Variants in EXOC1 observed in about 807,000 individuals in gnomAD.
The protein encoded by EXOC1 is SEC3-like 1.
In EXOC1, 67 loss-of-function variants were observed where a neutral mutation model predicts 107.7. The ratio of observed to expected loss-of-function variants is 0.62; its 90% CI spans 0.51 to 0.76. EXOC1 has a LOEUF of 0.76. Among genes scored for constraint, EXOC1 ranks in the 30% least tolerant of loss-of-function variants. The pLI, the probability that EXOC1 is intolerant of heterozygous loss-of-function variation, is 0.00. For synonymous variants in EXOC1, 348 were observed against 353.5 expected (o/e 0.98, Z 0.17); for missense variants, 833 against 1,055.7 (o/e 0.79, Z 2.92).
chr4:55,889,772 G>C (rs145838844), intron 11 of EXOC1, among the ~76,000 whole-genome samples: 301 of 152,266 alleles, frequency 2.0e-3, no homozygotes, highest in African/African-American at 6.8e-3. Flanking sequence ...TTGATTTATT[G>C]TGGAGGTAAC....
rs764747077 is a variant in EXOC1 at position 55,886,016 on chromosome 4, C to G, written c.1330+2088C>G. On this transcript the variant is annotated intron_variant, in intron 10 of 18. Coordinates refer to ENST00000381295, the MANE Select transcript of EXOC1 (RefSeq NM_001024924.2). ...GTTTGAAAGCAGTCTGCAGTCAGTA[C>G]GAACCATACTTCAAGTACCCATAGC... Among the ~76,000 whole-genome samples the G allele has an allele frequency of 2.0e-5, 3 of 152,156 alleles. No individual in the cohort carries two copies. The South Asian group carries it at 6.2e-4, about 32-fold the overall frequency.
intron 9 of EXOC1, among the ~76,000 whole-genome samples, chr4:55,881,699 G>A (rs1313617735): frequency 1.3e-5 from 2 of 152,134 alleles, no homozygotes; most frequent in African/African-American, 4.8e-5. Flanking sequence ...GCATTCCTTT[G>A]AGTTTCTGAT....
chr4:55,879,179 A>G (rs551497566), intron 9 of EXOC1, among the ~76,000 whole-genome samples: 34 of 152,348 alleles, frequency 2.2e-4, no homozygotes, highest in African/African-American at 7.9e-4. Flanking sequence ...GCACTTAGAG[A>G]TACAGCATTG....
intron 8 of EXOC1, chr4:55,876,923 G>A: frequency 4.1e-6 from 4 of 985,162 alleles, no homozygotes; most frequent in African/African-American, 3.5e-5. Context: ...AATGATGTGG[G>A]TTTTTGTACT....
At chr4:55,881,739 G>A (rs1007543924) in intron 9 of EXOC1, among the ~76,000 whole-genome samples, 4 of 152,188 alleles carry the variant, frequency 2.6e-5, no homozygotes, top group African/African-American at 7.2e-5. Context: ...AATCAGATAC[G>A]CATTTATCTC....
chr4:55,887,563 C>A (rs1455862126), intron 10 of EXOC1, among the ~76,000 whole-genome samples: 1 of 151,892 alleles, frequency 6.6e-6, no homozygotes, highest in African/African-American at 2.4e-5. Flanking sequence ...TTAATAGGCA[C>A]TACTACTAAG....
intron 9 of EXOC1, 121 bp downstream of exon 9, chr4:55,878,187 G>A: frequency 9.1e-7 from 1 of 1,097,596 alleles, no homozygotes; most frequent in South Asian, 1.7e-5. Context: ...AGCAGAAAAT[G>A]AGTCAGTGCT....
At chr4:55,892,966 A>T (rs182294859) in intron 14 of EXOC1, among the ~76,000 whole-genome samples, 1 of 152,266 alleles carries the variant, frequency 6.6e-6, no homozygotes, top group Admixed American at 6.5e-5. Flanking sequence ...GAAGCCTTTG[A>T]ATTGTAGTGT....
At chr4:55,858,669 G>T (rs913354144) in intron 2 of EXOC1, among the ~76,000 whole-genome samples, 5 of 152,130 alleles carry the variant, frequency 3.3e-5, no homozygotes, top group African/African-American at 1.2e-4. Context: ...TCCCTATAAT[G>T]ATGAGATTGA....
chr4:55,871,337 G>T, intron 7 of EXOC1, 104 bp downstream of exon 7: 5 of 1,370,940 alleles, frequency 3.6e-6, no homozygotes, highest in South Asian at 3.0e-5. Flanking sequence ...AGTGGTTTAA[G>T]GGTTACATTA....
At chr4:55,901,124 G>A (rs1284958734) in intron 17 of EXOC1, among the ~76,000 whole-genome samples, 1 of 152,058 alleles carries the variant, frequency 6.6e-6, no homozygotes, top group Admixed American at 6.6e-5. Context: ...ATTTAGCATT[G>A]TTGTTGAAGC....
chr4:55,859,286 A>G (rs1721265587), intron 2 of EXOC1, among the ~76,000 whole-genome samples: 2 of 151,964 alleles, frequency 1.3e-5, no homozygotes, highest in Admixed American at 1.3e-4. Flanking sequence ...CTATTTATCT[A>G]GGTGTTTTTT....
intron 14 of EXOC1, among the ~76,000 whole-genome samples, chr4:55,893,265 A>G (rs1195196479): frequency 6.6e-6 from 1 of 152,020 alleles, no homozygotes; most frequent in Non-Finnish European, 1.5e-5. Context: ...GATTACAGAC[A>G]TGCACCACCA....
intron 10 of EXOC1, among the ~76,000 whole-genome samples, chr4:55,888,652 C>T (rs1724157148): frequency 6.6e-6 from 1 of 151,296 alleles, no homozygotes; most frequent in South Asian, 2.1e-4. Context: ...GATATTTCTA[C>T]CTGAATATTT....
chr4:55,902,701 T>C (rs988557926), intron 18 of EXOC1, among the ~76,000 whole-genome samples, 163 bp downstream of exon 18: 2 of 152,206 alleles, frequency 1.3e-5, no homozygotes, highest in African/African-American at 4.8e-5. Flanking sequence ...ACTGTTTATA[T>C]AAGCATATAT....
chr4:55,865,804 T>G (rs1345390164), intron 4 of EXOC1, among the ~76,000 whole-genome samples: 2 of 152,100 alleles, frequency 1.3e-5, no homozygotes, highest in African/African-American at 4.8e-5. Context: ...TATTACTGTT[T>G]TTGAAAATGA....
intron 8 of EXOC1, chr4:55,872,810 T>C (rs1030134349): frequency 1.0e-6 from 1 of 979,514 alleles, no homozygotes; most frequent in East Asian, 1.1e-4. Flanking sequence ...TCGGTTCCTG[T>C]GAGTACATCA....
At position 55,894,182 on chromosome 4, in the gene EXOC1, G is replaced by A. The variant is rs571232751; in HGVS notation, c.1953+402G>A. Reference sequence around the variant, plus strand: ...TCTACCAAAAATACAAAAATTAGCCGGGCGTGGTAGCACATGCCTATAATT... The same window carrying A: ...TCTACCAAAAATACAAAAATTAGCCAGGCGTGGTAGCACATGCCTATAATT... On this transcript the variant is annotated intron_variant, in intron 15 of 18. Transcript: ENST00000381295. 1.2e-4 allele frequency among the ~76,000 whole-genome samples: 18 copies of A among 152,122 alleles called. No individual in the cohort carries two copies. In the East Asian group the frequency reaches 1.9e-3, roughly 16 times the overall value.
Position 55,877,953 on chromosome 4 carries a change from G to T in EXOC1, c.1111G>T (p.Val371Phe). Residue 371 changes from valine (V) to phenylalanine (F), a missense_variant, in exon 9 of 19, where the codon GTT (valine) becomes TTT (phenylalanine). Around this residue, in one of 2 missense-constraint regions of EXOC1, gnomAD observed 617 missense variants for 701.3 expected, o/e 0.88. Transcript: ENST00000381295. ...GAGTTCGACTCTTGCCCAACACTCT[G>T]TTGAACTGACTTTACCCAATCATCA... The part of the protein sequence containing the change: ...DQSSTLAQHS[V>F]ELTLPNHHPF... 2.5e-6 allele frequency: 4 copies of T among 1,613,778 alleles called. No homozygotes were observed. Among genetic ancestry groups the T allele is most frequent in the Non-Finnish European group, 3.4e-6 (4 of 1,179,862 alleles).
Sources: gnomAD v4.1 joint callset for allele counts (sites outside exome capture counted in the v4.1 genomes callset) on GRCh38, gnomAD v4.1.1 for gene constraint, gnomAD v4.1.1 regional missense constraint, MANE v1.5 for transcripts, NCBI Gene and HGNC (gene_info 2026-07-23, HGNC 2026-07-21) for gene names.